The following TPTE2 variants were observed in gnomAD, a reference collection of about 807,000 sequenced individuals.
The protein encoded by TPTE2 is transmembrane phosphoinositide 3-phosphatase and tensin homolog 2, also known as phosphatidylinositol 3,4,5-trisphosphate 3-phosphatase TPTE2.
In TPTE2, 53 loss-of-function variants were observed where a neutral mutation model predicts 78.6. The ratio of observed to expected loss-of-function variants is 0.67; its 90% CI spans 0.54 to 0.85. The LOEUF is 0.85. Among genes scored for constraint, TPTE2 ranks in the 40% least tolerant of loss-of-function variants. TPTE2 has a pLI of 0.00. For missense variants in TPTE2, 461 were observed against 623.0 expected, an observed-to-expected ratio of 0.74 and a Z score of 2.77; for synonymous variants, 175 against 206.2, an observed-to-expected ratio of 0.85 and a Z score of 1.30.
the TPTE2 span, among the ~76,000 whole-genome samples, chr13:19,546,483 C>CTTTTTTTTT: frequency 3.8e-3 from 325 of 85,022 alleles, 4 homozygotes; most frequent in East Asian, 4.1e-3. Context: ...TTTTCTTTTT[C>CTTTTTTTTT]TTTTTTTTTT....
In TPTE2 at chr13:19,498,835, T is replaced by C. The variant is rs569270220; in HGVS notation, c.11+4389A>G. 1.6e-4 allele frequency among the ~76,000 whole-genome samples: 24 copies of C among 152,104 alleles called. No homozygotes were observed. In the East Asian group the frequency reaches 4.6e-3, roughly 29 times the overall value. The stretch of plus-strand genomic sequence containing the variant: ...AATGTAAATGGACTAAATGCTCCAA[T>C]CAAAAGACACAGACTGGCAAATTGG... On this transcript the variant is annotated intron_variant, in intron 1 of 19. Coordinates refer to ENST00000400230, the Ensembl canonical transcript of TPTE2.
At chr13:19,439,411 G>C (rs1276420536) in intron 13 of TPTE2, among the ~76,000 whole-genome samples, 1 of 151,542 alleles carries the variant, frequency 6.6e-6, no homozygotes, top group Non-Finnish European at 1.5e-5. Context: ...AGAAGGGAAA[G>C]GGAAAGAAGA....
At position 19,430,556 on chromosome 13, in the gene TPTE2, A is replaced by G. The variant is rs1184993613; in HGVS notation, c.1223-9T>C. ...TAGATCACATACATCACCTGTTCCA[A>G]CAAAATGAAATTAAAAAGTTAGGTT... On this transcript the variant is annotated splice_polypyrimidine_tract_variant and intron_variant, in intron 16 of 19. Transcript: ENST00000400230. 6.2e-7 allele frequency: 1 copy of G among 1,601,774 alleles called. No individual in the cohort carries two copies. The highest frequency in any genetic ancestry group is 1.7e-4 in the Middle Eastern group (1 of 6,018).
At chr13:19,545,641 A>G in the TPTE2 span, among the ~76,000 whole-genome samples, 6 of 152,280 alleles carry the variant, frequency 3.9e-5, no homozygotes, top group African/African-American at 9.6e-5. Flanking sequence ...GAGTTACAGA[A>G]GTCCCTACAT....
chr13:19,556,661 G>A, the TPTE2 span, among the ~76,000 whole-genome samples: 2 of 152,012 alleles, frequency 1.3e-5, no homozygotes, highest in Non-Finnish European at 2.9e-5. Context: ...AAGTTGCTAG[G>A]ATTACAGGCA....
chr13:19,475,515 T>C, intron 5 of TPTE2, 58 bp downstream of exon 8: 2 of 1,587,744 alleles, frequency 1.3e-6, no homozygotes, highest in Non-Finnish European at 1.7e-6. Flanking sequence ...CGTGAGCCAC[T>C]GCACCCAGCC....
intron 4 of TPTE2, among the ~76,000 whole-genome samples, chr13:19,480,016 A>G (rs1485509269): frequency 6.6e-6 from 1 of 152,134 alleles, no homozygotes; most frequent in African/African-American, 2.4e-5. Flanking sequence ...TAAAACACTA[A>G]AAGTTCCAAT....
chr13:19,497,354 G>A (rs1200818791), intron 1 of TPTE2, among the ~76,000 whole-genome samples: 3 of 136,464 alleles, frequency 2.2e-5, no homozygotes, highest in Non-Finnish European at 4.8e-5. Context: ...GCAGGGCACA[G>A]ACAAACAAAA....
chr13:19,463,434 C>T lies in TPTE2; in HGVS notation c.741+1022G>A, dbSNP rs114149038. ...TTGTCTATCTGTATTCTCTGTATCT[C>T]ATAGTTTCCTGAAGATCATTATTTT... On this transcript the variant is annotated intron_variant, in intron 10 of 19. Coordinates refer to ENST00000400230, the Ensembl canonical transcript of TPTE2. Among the ~76,000 whole-genome samples, 983 of 152,260 alleles carry T rather than the reference C, an allele frequency of 6.5e-3. 11 individuals carry two copies. Among genetic ancestry groups the T allele is most frequent in the African/African-American group, 0.023 (958 of 41,544 alleles).
intron 4 of TPTE2, among the ~76,000 whole-genome samples, chr13:19,480,960 A>G (rs1229071636): frequency 1.3e-5 from 2 of 152,148 alleles, no homozygotes; most frequent in African/African-American, 4.8e-5. Context: ...TGACTATTAA[A>G]TGAATTATAG....
chr13:19,515,934 C>G (rs2010631501), intron 1 of TPTE2, among the ~76,000 whole-genome samples: 1 of 152,158 alleles, frequency 6.6e-6, no homozygotes, highest in South Asian at 2.1e-4. Context: ...CATGAGACAT[C>G]CATAGATGTG....
At chr13:19,517,730 T>A (rs187120714) in intron 1 of TPTE2, among the ~76,000 whole-genome samples, 1 of 152,194 alleles carries the variant, frequency 6.6e-6, no homozygotes, top group Admixed American at 6.5e-5. Flanking sequence ...CCAAACAGAA[T>A]CCTGGTGCTT....
At chr13:19,523,643 G>A (rs142995733) in intron 1 of TPTE2, among the ~76,000 whole-genome samples, 2 of 151,852 alleles carry the variant, frequency 1.3e-5, no homozygotes, top group East Asian at 1.9e-4. Flanking sequence ...GCCCAGCTAA[G>A]TTTTGTATTT....
At chr13:19,491,494 T>A (rs1880985385) in intron 3 of TPTE2, among the ~76,000 whole-genome samples, 1 of 152,188 alleles carries the variant, frequency 6.6e-6, no homozygotes, top group Admixed American at 6.5e-5. Context: ...AATCAGAGAT[T>A]AATTAAATTT....
At chr13:19,548,348 T>C in the TPTE2 span, among the ~76,000 whole-genome samples, 105 of 143,822 alleles carry the variant, frequency 7.3e-4, 1 homozygote, top group African/African-American at 2.3e-3. Context: ...CCTGTTACCT[T>C]TCAGTTAGCA....
At chr13:19,506,737 C>T (rs1869078748), upstream of TPTE2, among the ~76,000 whole-genome samples, 1 of 152,168 alleles carries the variant, frequency 6.6e-6, no homozygotes, top group Admixed American at 6.5e-5. Context: ...AAAAAGCCAA[C>T]CCTACTGACA....
At chr13:19,437,038 G>GACACAGACACAC (rs1555247892) in intron 14 of TPTE2, among the ~76,000 whole-genome samples, 2 of 145,904 alleles carry the variant, frequency 1.4e-5, no homozygotes, top group African/African-American at 5.0e-5. Context: ...AAACCTAGGA[G>GACACAGACACAC]ACACACACAC....
upstream of TPTE2, among the ~76,000 whole-genome samples, chr13:19,507,431 T>C (rs1869147981): frequency 6.6e-6 from 1 of 151,722 alleles, no homozygotes; most frequent in Non-Finnish European, 1.5e-5. Context: ...TAGGAGAGCA[T>C]TAGGCTGGCT....
chr13:19,512,886 T>G (rs1869544505), intron 1 of TPTE2, among the ~76,000 whole-genome samples: 1 of 152,154 alleles, frequency 6.6e-6, no homozygotes, highest in African/African-American at 2.4e-5. Flanking sequence ...CAGAAAACAC[T>G]TTTGACAAAC....
Sources: gnomAD v4.1 joint callset for allele counts (sites outside exome capture counted in the v4.1 genomes callset) on GRCh38, gnomAD v4.1.1 for gene constraint, MANE v1.5 for transcripts, NCBI Gene and HGNC (gene_info 2026-07-23, HGNC 2026-07-21) for gene names.